Variants in SGCD observed in about 807,000 individuals in gnomAD.
The protein encoded by SGCD is delta-sarcoglycan.
A neutral mutation model predicts 36.6 loss-of-function variants in SGCD; 18 were observed. The observed-to-expected ratio is 0.49, with a 90% confidence interval of 0.34 to 0.73. The LOEUF is 0.73. Among genes scored for constraint, SGCD ranks in the 30% least tolerant of loss-of-function variants. SGCD has a pLI of 0.01. For synonymous variants in SGCD, 133 were observed against 130.6 expected, an observed-to-expected ratio of 1.02 and a Z score of -0.12; for missense variants, 387 against 346.7, an observed-to-expected ratio of 1.12 and a Z score of -0.92.
intron 3 of SGCD, among the ~76,000 whole-genome samples, chr5:156,139,792 A>G (rs1165884068): frequency 6.6e-6 from 1 of 152,240 alleles, no homozygotes; most frequent in Admixed American, 6.5e-5. Flanking sequence ...TCGAAGGATG[A>G]TGCCTCCTCC....
At chr5:156,670,491 G>T (rs1458470338) in intron 7 of SGCD, among the ~76,000 whole-genome samples, 1 of 152,128 alleles carries the variant, frequency 6.6e-6, no homozygotes, top group Non-Finnish European at 1.5e-5. Flanking sequence ...CCCCTGCTGG[G>T]TGTATAGACA....
At chr5:155,948,438 G>C (rs1434792154) in intron 1 of SGCD, among the ~76,000 whole-genome samples, 1 of 152,114 alleles carries the variant, frequency 6.6e-6, no homozygotes, top group African/African-American at 2.4e-5. Context: ...CATGTTTATT[G>C]TTATTAATAT....
chr5:156,344,389 A>G, intron 2 of SGCD, 100 bp from the exon 3 acceptor site: 1 of 794,244 alleles, frequency 1.3e-6, no homozygotes. Context: ...GACAGCAGCC[A>G]GCCATATCTC....
chr5:156,648,129 T>C (rs911137708), intron 7 of SGCD, among the ~76,000 whole-genome samples: 4 of 152,128 alleles, frequency 2.6e-5, no homozygotes, highest in Non-Finnish European at 5.9e-5. Flanking sequence ...TGAAAACCAT[T>C]CCAGCCACCA....
intron 7 of SGCD, among the ~76,000 whole-genome samples, chr5:156,652,431 G>A (rs148605390): frequency 6.6e-6 from 1 of 152,144 alleles, no homozygotes; most frequent in Non-Finnish European, 1.5e-5. Context: ...TGAGGTTGCA[G>A]TTAGCTGTGA....
chr5:155,886,236 G>T (rs112409945), intron 1 of SGCD, among the ~76,000 whole-genome samples: 4 of 152,178 alleles, frequency 2.6e-5, no homozygotes, highest in African/African-American at 9.7e-5. Flanking sequence ...AAAGCAGTAC[G>T]TGCAGTTAGG....
intron 1 of SGCD, among the ~76,000 whole-genome samples, chr5:155,912,050 C>T (rs1756641397): frequency 6.6e-6 from 1 of 151,982 alleles, no homozygotes; most frequent in Non-Finnish European, 1.5e-5. Context: ...TTGTATTATA[C>T]TTAAATGGAA....
intron 2 of SGCD, among the ~76,000 whole-genome samples, chr5:156,342,455 T>C (rs1047248078): frequency 1.3e-5 from 2 of 152,246 alleles, no homozygotes; most frequent in Non-Finnish European, 2.9e-5. Flanking sequence ...TCAAAGGAAA[T>C]TGCACACGTG....
chr5:155,842,616 A>G, the SGCD span, among the ~76,000 whole-genome samples: 1 of 152,096 alleles, frequency 6.6e-6, no homozygotes, highest in Non-Finnish European at 1.5e-5. Context: ...CTTTGAGCTC[A>G]AAAGTTCAAA....
chr5:156,520,202 A>G (rs1412039937), intron 4 of SGCD, among the ~76,000 whole-genome samples: 1 of 152,250 alleles, frequency 6.6e-6, no homozygotes, highest in East Asian at 1.9e-4. Context: ...AAAAATCACG[A>G]GCATTCCTAT....
chr5:156,394,981 G>GA (rs1771771939), intron 3 of SGCD, among the ~76,000 whole-genome samples: 1 of 152,194 alleles, frequency 6.6e-6, no homozygotes, highest in South Asian at 2.1e-4. Flanking sequence ...TCCGTGTATT[G>GA]AAAAATCACA....
At chr5:156,662,940 G>A (rs1429527311) in intron 7 of SGCD, among the ~76,000 whole-genome samples, 3 of 150,166 alleles carry the variant, frequency 2.0e-5, no homozygotes, top group African/African-American at 7.5e-5. Flanking sequence ...TAGTGGTATG[G>A]GTTTAGGAGG....
chr5:156,500,671 CTCA>C (rs1214686031), intron 3 of SGCD, among the ~76,000 whole-genome samples: 1 of 152,166 alleles, frequency 6.6e-6, no homozygotes, highest in Non-Finnish European at 1.5e-5. Flanking sequence ...CTGCAACCTA[CTCA>C]TCTAACAACG....
At chr5:156,733,492 G>A (rs1260641667) in intron 7 of SGCD, among the ~76,000 whole-genome samples, 1 of 152,068 alleles carries the variant, frequency 6.6e-6, no homozygotes, top group East Asian at 1.9e-4. Flanking sequence ...TGTATATTCT[G>A]TTGTTTTGGG....
At chr5:156,552,852 G>A (rs186756483) in intron 4 of SGCD, among the ~76,000 whole-genome samples, 16 of 152,066 alleles carry the variant, frequency 1.1e-4, no homozygotes, top group Non-Finnish European at 1.8e-4. Context: ...CTTTAAACCC[G>A]TCCCAAATCT....
the SGCD span, among the ~76,000 whole-genome samples, chr5:155,758,718 C>G: frequency 8.5e-5 from 13 of 152,174 alleles, no homozygotes; most frequent in Non-Finnish European, 1.5e-4. Context: ...TGAAGTAGAA[C>G]AGTTTCATTC....
chr5:156,332,100 A>T (rs1218447613), intron 2 of SGCD, among the ~76,000 whole-genome samples: 2 of 152,174 alleles, frequency 1.3e-5, no homozygotes, highest in Non-Finnish European at 1.5e-5. Flanking sequence ...TGGACAGCAT[A>T]ATTTTTACCA....
chr5:156,377,712 C>A (rs899035627), intron 3 of SGCD, among the ~76,000 whole-genome samples: 1 of 152,144 alleles, frequency 6.6e-6, no homozygotes, highest in Non-Finnish European at 1.5e-5. Context: ...CTAAAACACA[C>A]ACTCTTTACT....
chr5:155,949,051 T>C (rs1306791188), intron 1 of SGCD, among the ~76,000 whole-genome samples: 1 of 152,186 alleles, frequency 6.6e-6, no homozygotes, highest in Non-Finnish European at 1.5e-5. Context: ...CATGTCCCTT[T>C]TCTCCATCAA....
Sources: allele counts gnomAD v4.1 joint callset (sites outside exome capture counted in the v4.1 genomes callset), GRCh38; gene constraint gnomAD v4.1.1; transcripts MANE v1.5; gene names NCBI Gene and HGNC (gene_info 2026-07-23, HGNC 2026-07-21).